Variants in BTBD9 observed in about 807,000 individuals in gnomAD.
The protein encoded by BTBD9 is BTB/POZ domain-containing protein 9.
A neutral mutation model predicts 64.3 loss-of-function variants in BTBD9; 49 were observed. The ratio of observed to expected loss-of-function variants is 0.76; its 90% CI spans 0.61 to 0.97. The LOEUF is 0.97. Ranked by LOEUF, BTBD9 falls within the 50% of genes least tolerant of loss-of-function variation. The pLI is 0.00. For synonymous variants in BTBD9, 260 were observed against 274.7 expected, an observed-to-expected ratio of 0.95 and a Z score of 0.53; for missense variants, 598 against 762.1, an observed-to-expected ratio of 0.78 and a Z score of 2.53.
chr6:38,568,311 C>T (rs776337924), intron 6 of BTBD9, among the ~76,000 whole-genome samples: 1 of 152,198 alleles, frequency 6.6e-6, no homozygotes, highest in Non-Finnish European at 1.5e-5. Flanking sequence ...TGTTTATCTA[C>T]AAGATCTAAT....
intron 9 of BTBD9, among the ~76,000 whole-genome samples, chr6:38,217,927 T>C (rs1763067172): frequency 6.6e-6 from 1 of 152,140 alleles, no homozygotes; most frequent in Admixed American, 6.5e-5. Context: ...TGCTCCATTG[T>C]ACCCAAGGGA....
At chr6:38,365,284 C>T (rs2127600766) in intron 6 of BTBD9, among the ~76,000 whole-genome samples, 1 of 152,266 alleles carries the variant, frequency 6.6e-6, no homozygotes, top group East Asian at 1.9e-4. Context: ...TTAACTAACT[C>T]ATTCAAGCTC....
intron 10 of BTBD9, among the ~76,000 whole-genome samples, chr6:38,183,114 G>A (rs1294260985): frequency 3.9e-5 from 6 of 152,026 alleles, no homozygotes; most frequent in Admixed American, 1.3e-4. Context: ...TGAGTAGCTG[G>A]GACTACAGGC....
intron 9 of BTBD9, among the ~76,000 whole-genome samples, chr6:38,228,630 C>T (rs1047853251): frequency 7.3e-5 from 11 of 151,552 alleles, no homozygotes; most frequent in African/African-American, 1.5e-4. Context: ...AATCCCAGCA[C>T]TTTGGGAGGC....
intron 7 of BTBD9, among the ~76,000 whole-genome samples, chr6:38,301,316 A>G (rs1405084060): frequency 6.6e-6 from 1 of 152,146 alleles, no homozygotes; most frequent in East Asian, 1.9e-4. Context: ...TTGGTCTAAA[A>G]TTCTCGTTTT....
intron 9 of BTBD9, among the ~76,000 whole-genome samples, chr6:38,242,188 A>T (rs950069370): frequency 2.0e-5 from 3 of 152,184 alleles, no homozygotes; most frequent in African/African-American, 7.2e-5. Flanking sequence ...TGAAGTTCAT[A>T]GCCTCCTTGG....
At chr6:38,604,795 G>A (rs1455726947) in intron 1 of BTBD9, among the ~76,000 whole-genome samples, 1 of 152,180 alleles carries the variant, frequency 6.6e-6, no homozygotes. Context: ...AAAGTGGGCT[G>A]CTCATATTCG....
intron 6 of BTBD9, among the ~76,000 whole-genome samples, chr6:38,568,783 G>A (rs143388096): frequency 6.6e-6 from 1 of 152,276 alleles, no homozygotes; most frequent in East Asian, 1.9e-4. Context: ...GAGGGGAGGG[G>A]TACTTTCTTT....
At chr6:38,350,505 A>G (rs750137701) in intron 6 of BTBD9, among the ~76,000 whole-genome samples, 1 of 152,250 alleles carries the variant, frequency 6.6e-6, no homozygotes, top group Non-Finnish European at 1.5e-5. Flanking sequence ...TGTACTGAGC[A>G]CATTTTATTA....
At chr6:38,228,306 C>A (rs1582082028) in intron 9 of BTBD9, among the ~76,000 whole-genome samples, 1 of 142,762 alleles carries the variant, frequency 7.0e-6, no homozygotes, top group East Asian at 2.0e-4. Flanking sequence ...ATGATAACAC[C>A]ACTGCACTCA....
chr6:38,505,919 T>TG (rs1181481840), intron 6 of BTBD9, among the ~76,000 whole-genome samples: 2 of 132,050 alleles, frequency 1.5e-5, no homozygotes, highest in African/African-American at 5.5e-5. Context: ...GAGCTGAGAT[T>TG]GTGCCACCGC....
In BTBD9 at chr6:38,239,700, T is replaced by G. The variant is rs1379724789; in HGVS notation, c.1562+16709A>C. ...TAACCATGACACATTTTGGTCAAGC[T>G]TAGGAAACAACTTGCTAATAATCTA... On this transcript the variant is annotated intron_variant, in intron 9 of 10. Transcript: ENST00000481247. Among the ~76,000 whole-genome samples, 11 of 152,252 alleles carry G rather than the reference T, an allele frequency of 7.2e-5. No homozygotes were observed. In the South Asian group the frequency reaches 2.3e-3, roughly 32 times the overall value.
intron 6 of BTBD9, among the ~76,000 whole-genome samples, chr6:38,407,073 G>A (rs555932629): frequency 1.3e-5 from 2 of 152,232 alleles, no homozygotes; most frequent in Non-Finnish European, 2.9e-5. Flanking sequence ...GAGTGAACAA[G>A]AAGAAAGCAG....
At chr6:38,410,885 A>G (rs1767396575) in intron 6 of BTBD9, among the ~76,000 whole-genome samples, 1 of 152,172 alleles carries the variant, frequency 6.6e-6, no homozygotes, top group East Asian at 1.9e-4. Context: ...TTAAAAAAAC[A>G]AGAAAATATC....
chr6:38,477,757 A>C (rs536047503), intron 6 of BTBD9, among the ~76,000 whole-genome samples: 39 of 152,342 alleles, frequency 2.6e-4, no homozygotes, highest in African/African-American at 9.1e-4. Context: ...GGGTATTTGA[A>C]TTTGTAAAGC....
chr6:38,533,880 A>G (rs1475734325), intron 6 of BTBD9, among the ~76,000 whole-genome samples: 1 of 152,144 alleles, frequency 6.6e-6, no homozygotes, highest in Non-Finnish European at 1.5e-5. Context: ...ATGGGATTCA[A>G]TGAAAGCAGT....
In BTBD9 at chr6:38,592,820, C is replaced by G; in HGVS notation, c.570G>C (p.Val190=). The G allele has an allele frequency of 6.2e-7, 1 of 1,614,086 alleles. No individual in the cohort carries two copies. Among genetic ancestry groups the G allele is most frequent in the East Asian group, 2.2e-5 (1 of 44,874 alleles). Residue 190 remains valine (V), a synonymous_variant, in exon 4 of 11, where the codon GTG becomes GTC. Transcript: ENST00000481247. The stretch of plus-strand genomic sequence containing the variant: ...CGGGAGCTGCAAATGAGTCTCTTAA[C>G]ACGATGTTTAAAAGTGCTGTCTGAA... ...SLSKTALLNI[V]LRDSFAAPEK...
At chr6:38,598,295 T>G (rs1049782866) in intron 1 of BTBD9, among the ~76,000 whole-genome samples, 174 bp from the exon 2 acceptor site, 1 of 152,210 alleles carries the variant, frequency 6.6e-6, no homozygotes, top group Non-Finnish European at 1.5e-5. Flanking sequence ...TTCAGCCTGC[T>G]TCCCTTAACT....
intron 8 of BTBD9, among the ~76,000 whole-genome samples, chr6:38,287,947 T>C (rs979064526): frequency 3.9e-5 from 6 of 152,220 alleles, no homozygotes; most frequent in Admixed American, 1.3e-4. Flanking sequence ...TTTTTCATTC[T>C]ATATAACCTA....
Sources: allele counts gnomAD v4.1 joint callset (sites outside exome capture counted in the v4.1 genomes callset), GRCh38; gene constraint gnomAD v4.1.1; transcripts MANE v1.5; gene names NCBI Gene and HGNC (gene_info 2026-07-23, HGNC 2026-07-21).